FOXN3: variants seen among roughly 807,000 people sequenced by gnomAD.
The protein encoded by FOXN3 is forkhead box N3.
A neutral mutation model predicts 38.4 loss-of-function variants in FOXN3; 7 were observed. The observed-to-expected ratio is 0.18, with a 90% CI of 0.10 to 0.34. The LOEUF (loss-of-function observed/expected upper bound fraction) is 0.34. FOXN3 is among the 10% of genes least tolerant of loss of function. The pLI is 1.00. For missense variants in FOXN3, 456 were observed against 613.4 expected (o/e 0.74, Z 2.71); for synonymous variants, 230 against 242.2 (o/e 0.95, Z 0.47).
intron 1 of FOXN3, among the ~76,000 whole-genome samples, chr14:89,523,604 A>G (rs1894366131): frequency 1.3e-5 from 2 of 152,262 alleles, no homozygotes; most frequent in Non-Finnish European, 2.9e-5. Flanking sequence ...TCCATGGATC[A>G]AAGAAGAAAT....
At position 89,162,820 on chromosome 14, in the gene FOXN3, G is replaced by A. The variant is rs1887140096; in HGVS notation, c.1001C>T (p.Ser334Phe). 1 of 1,612,062 alleles carries A rather than the reference G, an allele frequency of 6.2e-7. No individual in the cohort carries two copies. The highest frequency in any genetic ancestry group is 1.1e-5 in the South Asian group (1 of 91,074). ...RSTSPTSDSI[S>F]SSSSSADDHY... ...GTCGTCGGCTGAGGAGGAGGAGGAG[G>A]AGATGGAGTCGCTGGTGGGCGAGGT... is the stretch of plus-strand genomic sequence containing the variant. The change falls in exon 6 of 6, where the codon TCC (serine) becomes TTC (phenylalanine). Residue 334 changes from serine (S) to phenylalanine (F), a missense_variant. By Grantham distance (155) the Ser-to-Phe change is radical. Coordinates refer to ENST00000557258, the MANE Select transcript of FOXN3 (RefSeq NM_005197.4). This position sits in a 1 kb window ranked among gnomAD's most constrained non-coding sequence, Gnocchi z 7.2.
At chr14:89,386,016 T>C (rs547315399) in intron 2 of FOXN3, among the ~76,000 whole-genome samples, 4 of 152,338 alleles carry the variant, frequency 2.6e-5, no homozygotes, top group African/African-American at 7.2e-5. Flanking sequence ...ACGGTTCTAC[T>C]CTCCAACAAC....
At chr14:89,557,961 A>G (rs1477853290) in intron 1 of FOXN3, among the ~76,000 whole-genome samples, 1 of 152,198 alleles carries the variant, frequency 6.6e-6, no homozygotes, top group Non-Finnish European at 1.5e-5. Flanking sequence ...AGCCAAGATC[A>G]TGCCACTGCA....
At chr14:89,420,126 C>T (rs779890687), upstream of FOXN3, among the ~76,000 whole-genome samples, 8 of 152,374 alleles carry the variant, frequency 5.3e-5, no homozygotes, top group South Asian at 4.1e-4. Flanking sequence ...TGCAGGTTGG[C>T]TTCCTCTGCT....
At chr14:89,505,616 G>A (rs1011275861) in intron 1 of FOXN3, among the ~76,000 whole-genome samples, 22 of 152,126 alleles carry the variant, frequency 1.4e-4, no homozygotes, top group African/African-American at 3.4e-4. Context: ...GCGTGATCTC[G>A]GCTCGCTACA....
chr14:89,453,697 C>T (rs1892665924), intron 1 of FOXN3, among the ~76,000 whole-genome samples: 1 of 151,450 alleles, frequency 6.6e-6, no homozygotes. Context: ...GGTAAAAATG[C>T]AATGTAGTGA....
intron 4 of FOXN3, among the ~76,000 whole-genome samples, chr14:89,254,899 C>T (rs1252341209): frequency 6.6e-6 from 1 of 152,340 alleles, no homozygotes; most frequent in Non-Finnish European, 1.5e-5. Context: ...GTCCACTCCC[C>T]CACTAACGAC....
intron 1 of FOXN3, among the ~76,000 whole-genome samples, chr14:89,504,840 C>A (rs773437622): frequency 5.3e-5 from 8 of 152,188 alleles, no homozygotes; most frequent in Non-Finnish European, 1.2e-4. Flanking sequence ...GTTACCACTT[C>A]CCCAACCCCA....
chr14:89,198,499 C>G (rs757495914), intron 4 of FOXN3, among the ~76,000 whole-genome samples: 1 of 152,190 alleles, frequency 6.6e-6, no homozygotes, highest in African/African-American at 2.4e-5. Context: ...AAACAAAACT[C>G]CAAGTAAGCT....
chr14:89,227,723 C>G (rs1231333375), intron 4 of FOXN3, among the ~76,000 whole-genome samples: 1 of 152,220 alleles, frequency 6.6e-6, no homozygotes, highest in Non-Finnish European at 1.5e-5. Context: ...TACCTTACAT[C>G]ACAGAAGGCT....
intron 3 of FOXN3, among the ~76,000 whole-genome samples, chr14:89,343,935 A>C (rs1888693962): frequency 6.6e-6 from 1 of 151,894 alleles, no homozygotes; most frequent in Admixed American, 6.6e-5. Context: ...TAATTTTTGT[A>C]TTTTTTGGTA....
Position 89,159,476 on chromosome 14 carries a change from CTTTTATATTTCTCTA to C in FOXN3, c.*2923_*2937del, listed in dbSNP as rs1214361722. On this transcript the variant is annotated 3_prime_UTR_variant, in exon 6 of 6. Transcript: ENST00000557258. Reference sequence around the variant, plus strand: ...GAGTGGTTCTGGAGTTAAGAACACACTTTTATATTTCTCTATTTCTCAAAGAGATCAGAAAAGTAA... The same window carrying C: ...GAGTGGTTCTGGAGTTAAGAACACACTTTCTCAAAGAGATCAGAAAAGTAA... 1.3e-5 allele frequency: 2 copies of C among 152,622 alleles called. No homozygotes were observed. The highest frequency in any genetic ancestry group is 2.9e-5 in the Non-Finnish European group (2 of 68,056). 9.5% of individuals were successfully genotyped at this position (152,622 alleles called of 1,614,324 possible). A position where few individuals can be genotyped will look rare whatever the true frequency, so the allele number is the denominator to read the frequency against.
intron 3 of FOXN3, among the ~76,000 whole-genome samples, chr14:89,298,555 A>G (rs1256197434): frequency 1.3e-5 from 2 of 152,058 alleles, no homozygotes; most frequent in African/African-American, 4.8e-5. Context: ...AATAACAGAT[A>G]GACGACAGAC....
chr14:89,493,683 C>T (rs1422804924), intron 1 of FOXN3, among the ~76,000 whole-genome samples: 1 of 152,188 alleles, frequency 6.6e-6, no homozygotes, highest in Non-Finnish European at 1.5e-5. Flanking sequence ...ATCAACCTCT[C>T]TGCTCCTCAC....
intron 4 of FOXN3, among the ~76,000 whole-genome samples, chr14:89,258,018 G>A (rs879574592): frequency 6.6e-6 from 1 of 152,062 alleles, no homozygotes. Flanking sequence ...TTTGTAAAAG[G>A]AGACATCATA....
chr14:89,307,219 A>C (rs1887404085), intron 3 of FOXN3, among the ~76,000 whole-genome samples: 1 of 152,174 alleles, frequency 6.6e-6, no homozygotes, highest in African/African-American at 2.4e-5. Context: ...TAAATGTAAT[A>C]ATCATTACTT....
chr14:89,326,027 C>T (rs776908243), intron 3 of FOXN3, among the ~76,000 whole-genome samples: 8 of 152,110 alleles, frequency 5.3e-5, no homozygotes, highest in African/African-American at 9.7e-5. Flanking sequence ...ACACTTTTAC[C>T]GGTGATGAAA....
At chr14:89,232,124 CT>C (rs1884831409) in intron 4 of FOXN3, among the ~76,000 whole-genome samples, 1 of 152,208 alleles carries the variant, frequency 6.6e-6, no homozygotes, top group Non-Finnish European at 1.5e-5. Context: ...GTAGAACTCA[CT>C]GATTTATTGG....
intron 4 of FOXN3, among the ~76,000 whole-genome samples, chr14:89,229,841 G>A (rs1480813372): frequency 2.3e-4 from 35 of 152,294 alleles, no homozygotes; most frequent in South Asian, 2.1e-4. Flanking sequence ...CGACCAAACC[G>A]AAGGATGTCC....
Sources: allele counts gnomAD v4.1 joint callset (sites outside exome capture counted in the v4.1 genomes callset), GRCh38; gene constraint gnomAD v4.1.1; non-coding constraint Gnocchi (gnomAD v3.1); transcripts MANE v1.5; gene names NCBI Gene and HGNC (gene_info 2026-07-23, HGNC 2026-07-21).